The following ARFGEF3 variants were observed in gnomAD, a reference collection of about 807,000 sequenced individuals.
ARFGEF3 encodes the protein brefeldin A-inhibited guanine nucleotide-exchange protein 3.
A neutral mutation model predicts 221.7 loss-of-function variants in ARFGEF3; 96 were observed. That is an observed-to-expected ratio of 0.43 (90% CI 0.37 to 0.51). The LOEUF (loss-of-function observed/expected upper bound fraction) is 0.51. Among genes scored for constraint, ARFGEF3 ranks in the 20% least tolerant of loss-of-function variants. The pLI is 0.00. For synonymous variants in ARFGEF3, 1,145 were observed against 1,126.8 expected (o/e 1.02, Z -0.32); for missense variants, 2,410 against 2,789.9 (o/e 0.86, Z 3.07).
intron 32 of ARFGEF3, among the ~76,000 whole-genome samples, chr6:138,329,539 C>G (rs1346507197): frequency 1.3e-5 from 2 of 152,176 alleles, no homozygotes; most frequent in African/African-American, 4.8e-5. Context: ...TGGCATGCAC[C>G]TGTAGTCCCA....
At chr6:138,204,936 G>T (rs1777601271) in intron 2 of ARFGEF3, among the ~76,000 whole-genome samples, 1 of 152,286 alleles carries the variant, frequency 6.6e-6, no homozygotes, top group South Asian at 2.1e-4. Flanking sequence ...ACAGTTCAGT[G>T]ATGTCTCCTG....
chr6:138,243,244 A>AT (rs1778426711), intron 7 of ARFGEF3, among the ~76,000 whole-genome samples: 1 of 152,188 alleles, frequency 6.6e-6, no homozygotes. Context: ...AACGCTTCAC[A>AT]TACCTCTCAT....
rs569975706 is a variant in ARFGEF3 at position 138,263,275 on chromosome 6, G to A, written c.1792G>A (p.Val598Ile). ...GSRYSESNFS[V>I]DDQDLSRTEF... ...TAGGTATAGTGAGAGCAATTTTAGC[G>A]TTGATGACCAAGACCTTTCTAGGAC... is the stretch of plus-strand genomic sequence containing the variant. Residue 598 changes from valine (V) to isoleucine (I), a missense_variant, in exon 12 of 34, where the codon GTT (valine) becomes ATT (isoleucine). Val to Ile is a conservative substitution (Grantham distance 29). Transcript: ENST00000251691. 32 of 1,613,968 alleles carry A rather than the reference G, an allele frequency of 2.0e-5. No individual in the cohort carries two copies. Among genetic ancestry groups the A allele is most frequent in the East Asian group, 1.3e-4 (6 of 44,884 alleles).
intron 22 of ARFGEF3, among the ~76,000 whole-genome samples, chr6:138,303,053 T>C (rs1328664928): frequency 6.6e-6 from 1 of 152,230 alleles, no homozygotes; most frequent in East Asian, 1.9e-4. Flanking sequence ...ACTGTATTGC[T>C]GGATTTATTA....
intron 2 of ARFGEF3, among the ~76,000 whole-genome samples, chr6:138,198,345 CT>C (rs1342723717): frequency 6.6e-6 from 1 of 152,148 alleles, no homozygotes; most frequent in East Asian, 1.9e-4. Flanking sequence ...TGAATCCAAT[CT>C]TTGTTTTGAA....
intron 12 of ARFGEF3, among the ~76,000 whole-genome samples, chr6:138,265,934 G>A (rs1410969097): frequency 2.0e-5 from 3 of 151,398 alleles, no homozygotes; most frequent in Non-Finnish European, 4.4e-5. Flanking sequence ...ACAGGGTATT[G>A]GCCAGGCATG....
At chr6:138,240,910 C>T (rs1393142431) in intron 6 of ARFGEF3, among the ~76,000 whole-genome samples, 1 of 152,058 alleles carries the variant, frequency 6.6e-6, no homozygotes, top group Non-Finnish European at 1.5e-5. Context: ...GGGGAAGATG[C>T]GTATATTTTC....
chr6:138,181,100 A>G (rs2114448527), intron 2 of ARFGEF3, among the ~76,000 whole-genome samples: 1 of 152,270 alleles, frequency 6.6e-6, no homozygotes, highest in South Asian at 2.1e-4. Context: ...ATTCCCATTA[A>G]TAAGGAAGAC....
intron 2 of ARFGEF3, among the ~76,000 whole-genome samples, chr6:138,195,863 A>C (rs1299991286): frequency 6.6e-6 from 1 of 152,118 alleles, no homozygotes; most frequent in Admixed American, 6.5e-5. Context: ...TGAGGAATTA[A>C]GTGTGTCTGT....
chr6:138,163,646 T>C (rs973504663), intron 1 of ARFGEF3, among the ~76,000 whole-genome samples: 5 of 152,190 alleles, frequency 3.3e-5, no homozygotes, highest in Admixed American at 6.5e-5. Context: ...CATCAACATC[T>C]TATTAAGTGA....
intron 32 of ARFGEF3, among the ~76,000 whole-genome samples, chr6:138,329,985 G>C (rs203143): frequency 0.39 from 59,726 of 151,668 alleles, 14,491 homozygotes; most frequent in African/African-American, 0.69. Flanking sequence ...AAGGGGGGTT[G>C]TTCTCTGGCA....
chr6:138,202,709 G>A lies in ARFGEF3; in HGVS notation c.138-4333G>A, dbSNP rs189522220. Among the ~76,000 whole-genome samples the A allele has an allele frequency of 3.7e-4, 55 of 150,446 alleles. 1 individual carries two copies. In the East Asian group the frequency reaches 0.011, roughly 29 times the overall value. ...AAAAAAAAAAAAACCCTGTTTTTAAGCATTTCATTTTAAGTAAATATCTGT... is the reference window on the plus strand; with the variant it reads ...AAAAAAAAAAAAACCCTGTTTTTAAACATTTCATTTTAAGTAAATATCTGT... On this transcript the variant is annotated intron_variant, in intron 2 of 33. Coordinates refer to ENST00000251691, the MANE Select transcript of ARFGEF3 (RefSeq NM_020340.5).
chr6:138,335,174 G>A lies in ARFGEF3; in HGVS notation c.6328G>A (p.Glu2110Lys), dbSNP rs778678899. The A allele has an allele frequency of 6.4e-7, 1 of 1,551,268 alleles. No homozygotes were observed. Among genetic ancestry groups the A allele is most frequent in the Non-Finnish European group, 8.6e-7 (1 of 1,156,784 alleles). ...SSLSVSVRDA[E>K]AQIQAWTNMV... ...CCTCAGTGTCTCGGTGAGAGACGCA[G>A]AAGCACAGATCCAGGTACATCCCTG... The change falls in exon 33 of 34, where the codon GAA (glutamate) becomes AAA (lysine). Residue 2110 changes from glutamate (E) to lysine (K), a missense_variant. Physicochemically the swap from Glu to Lys is moderately conservative, Grantham distance 56. Around this residue, in one of 5 missense-constraint regions of ARFGEF3, gnomAD observed 339 missense variants for 334.9 expected, o/e 1.01. Transcript: ENST00000251691.
At chr6:138,307,053 C>T (rs925395051) in intron 22 of ARFGEF3, among the ~76,000 whole-genome samples, 200 bp from the exon 23 acceptor site, 4 of 151,806 alleles carry the variant, frequency 2.6e-5, no homozygotes, top group Non-Finnish European at 2.9e-5. Context: ...TGCTTTGCAG[C>T]ATTAGTCATT....
chr6:138,201,088 T>C (rs1170524030), intron 2 of ARFGEF3, among the ~76,000 whole-genome samples: 1 of 152,130 alleles, frequency 6.6e-6, no homozygotes, highest in Non-Finnish European at 1.5e-5. Context: ...CCATCACTAA[T>C]CAAGGAAATG....
chr6:138,245,416 CA>C, intron 7 of ARFGEF3, 96 bp from the exon 8 acceptor site: 2 of 836,700 alleles, frequency 2.4e-6, no homozygotes, highest in Non-Finnish European at 4.0e-6. Context: ...TTTTCAGTCT[CA>C]AAAACCATCT....
rs1780427062 is a variant in ARFGEF3 at position 138,341,325 on chromosome 6, T to A, written c.*4839T>A. 6.5e-6 allele frequency: 1 copy of A among 154,854 alleles called. No individual in the cohort carries two copies. Among genetic ancestry groups the A allele is most frequent in the Non-Finnish European group, 1.5e-5 (1 of 68,240 alleles). 9.6% of individuals were successfully genotyped at this position (154,854 alleles called of 1,614,324 possible). A position where few individuals can be genotyped will look rare whatever the true frequency, so the allele number is the denominator to read the frequency against. Reference sequence around the variant, plus strand: ...ATTCTCTGAAGAGGAAGCAGCTGGTTGGACAGGATTTCTTGAAGAGCCAGG... The same window carrying A: ...ATTCTCTGAAGAGGAAGCAGCTGGTAGGACAGGATTTCTTGAAGAGCCAGG... On this transcript the variant is annotated 3_prime_UTR_variant, in exon 34 of 34. Transcript: ENST00000251691.
chr6:138,261,819 T>C (rs1404576307), intron 11 of ARFGEF3, among the ~76,000 whole-genome samples, 180 bp downstream of exon 11: 2 of 152,242 alleles, frequency 1.3e-5, no homozygotes, highest in Non-Finnish European at 2.9e-5. Context: ...TGGAACTTTT[T>C]ATATTTTCAT....
Position 138,294,129 on chromosome 6 carries a change from A to G in ARFGEF3, c.3502+3A>G. ...TGATTACTCTCTGGCAATGCCAGGT[A>G]ATTCTTTCCCTGAATAAACCATATG... On this transcript the variant is annotated splice_donor_region_variant and intron_variant, in intron 20 of 33. Coordinates refer to ENST00000251691, the MANE Select transcript of ARFGEF3 (RefSeq NM_020340.5). The G allele has an allele frequency of 6.2e-7, 1 of 1,613,468 alleles. No individual in the cohort carries two copies. The highest frequency in any genetic ancestry group is 8.5e-7 in the Non-Finnish European group (1 of 1,179,780).
Sources: allele counts gnomAD v4.1 joint callset (sites outside exome capture counted in the v4.1 genomes callset), GRCh38; gene constraint gnomAD v4.1.1; regional missense constraint gnomAD v4.1.1; transcripts MANE v1.5; gene names NCBI Gene and HGNC (gene_info 2026-07-23, HGNC 2026-07-21).